Variants in SDC2 observed in about 807,000 individuals in gnomAD.
The protein encoded by SDC2 is syndecan 2, also known as syndecan-2.
In SDC2, 13 loss-of-function variants were observed where a neutral mutation model predicts 22.2. The ratio of observed to expected loss-of-function variants is 0.59; its 90% CI spans 0.38 to 0.93. The LOEUF is 0.93. Among genes scored for constraint, SDC2 ranks in the 40% least tolerant of loss-of-function variants. SDC2 has a pLI of 0.00. For synonymous variants in SDC2, 94 were observed against 92.8 expected (o/e 1.01, Z -0.07); for missense variants, 235 against 246.8 (o/e 0.95, Z 0.32).
At chr8:96,583,868 C>A (rs912426832) in intron 1 of SDC2, among the ~76,000 whole-genome samples, 1 of 151,972 alleles carries the variant, frequency 6.6e-6, no homozygotes, top group Non-Finnish European at 1.5e-5. Context: ...ACTAATATAT[C>A]ATGCATAATT....
rs770415861 is a variant in SDC2, at chr8:96,608,452, C to T, written c.424C>T (p.Arg142Trp). The T allele has an allele frequency of 3.1e-6, 5 of 1,612,572 alleles. No individual in the cohort carries two copies. The highest frequency in any genetic ancestry group is 3.3e-5 in the Admixed American group (2 of 59,858). ...TEKHSDSLFK[R>W]TEVLAAVIAG... The stretch of plus-strand genomic sequence containing the variant: ...GAAACACTCAGACAGTCTGTTTAAA[C>T]GGACAGAAGTCCTAGCAGGTGAGTA... Residue 142 changes from arginine (R) to tryptophan (W), a missense_variant, in exon 4 of 5, where the codon CGG (arginine) becomes TGG (tryptophan). By Grantham distance (101) the Arg-to-Trp change is moderately radical. Transcript: ENST00000302190.
intron 1 of SDC2, among the ~76,000 whole-genome samples, chr8:96,515,702 A>G (rs1813390904): frequency 6.6e-6 from 1 of 152,166 alleles, no homozygotes; most frequent in South Asian, 2.1e-4. Context: ...TAAACACTGG[A>G]CAAGTGAATA....
At chr8:96,519,574 G>T (rs1813461722) in intron 1 of SDC2, among the ~76,000 whole-genome samples, 1 of 151,972 alleles carries the variant, frequency 6.6e-6, no homozygotes, top group Non-Finnish European at 1.5e-5. Flanking sequence ...AGATAATCTA[G>T]GGGGGAAAAA....
intron 1 of SDC2, among the ~76,000 whole-genome samples, chr8:96,517,403 G>A (rs1813417900): frequency 6.6e-6 from 1 of 152,092 alleles, no homozygotes; most frequent in African/African-American, 2.4e-5. Context: ...AAGAAACACT[G>A]CCTAACTGAA....
intron 1 of SDC2, among the ~76,000 whole-genome samples, chr8:96,526,660 G>A (rs1271683938): frequency 1.3e-5 from 2 of 149,924 alleles, no homozygotes; most frequent in Non-Finnish European, 2.9e-5. Context: ...AGAGGCCTTT[G>A]GTTTTTTTTT....
intron 1 of SDC2, among the ~76,000 whole-genome samples, chr8:96,589,776 G>A (rs559770679): frequency 2.5e-4 from 38 of 152,292 alleles, no homozygotes; most frequent in Non-Finnish European, 5.1e-4. Flanking sequence ...AGAGTGATAC[G>A]ATGATGTTTG....
chr8:96,585,880 G>A (rs1212856976), intron 1 of SDC2, among the ~76,000 whole-genome samples: 1 of 136,910 alleles, frequency 7.3e-6, no homozygotes, highest in African/African-American at 2.9e-5. Flanking sequence ...TTTTTTTTTG[G>A]TTGGTGGGGG....
intron 1 of SDC2, among the ~76,000 whole-genome samples, chr8:96,508,342 A>AATAATAATT (rs1563641920): frequency 8.1e-6 from 1 of 124,148 alleles, no homozygotes; most frequent in African/African-American, 3.1e-5. Context: ...TAATAATAAT[A>AATAATAATT]ATTAGCCGGG....
chr8:96,579,970 C>A (rs1017506634), intron 1 of SDC2, among the ~76,000 whole-genome samples: 2 of 152,206 alleles, frequency 1.3e-5, no homozygotes, highest in Non-Finnish European at 2.9e-5. Context: ...TTAGGGCTTT[C>A]CGAATGGCAG....
intron 1 of SDC2, among the ~76,000 whole-genome samples, chr8:96,496,570 T>C (rs1175692780): frequency 2.6e-5 from 4 of 152,126 alleles, no homozygotes; most frequent in South Asian, 2.1e-4. Flanking sequence ...GCAGCAAAAA[T>C]ATAAATGAAG....
chr8:96,532,270 G>T (rs921164971), intron 1 of SDC2, among the ~76,000 whole-genome samples: 11 of 152,060 alleles, frequency 7.2e-5, no homozygotes, highest in African/African-American at 2.7e-4. Context: ...CAGTAAGGGG[G>T]CCTCCAGGTA....
chr8:96,577,613 G>T (rs1262522516), intron 1 of SDC2, among the ~76,000 whole-genome samples: 1 of 152,008 alleles, frequency 6.6e-6, no homozygotes, highest in Non-Finnish European at 1.5e-5. Flanking sequence ...TTACATTAAG[G>T]TTTACACCTT....
At chr8:96,513,978 T>C (rs764571934) in intron 1 of SDC2, among the ~76,000 whole-genome samples, 5 of 152,164 alleles carry the variant, frequency 3.3e-5, no homozygotes, top group African/African-American at 4.8e-5. Context: ...CTGTACGACA[T>C]TTTAAAGGTG....
intron 3 of SDC2, among the ~76,000 whole-genome samples, chr8:96,602,795 A>C (rs1022827297): frequency 1.3e-5 from 2 of 152,180 alleles, no homozygotes; most frequent in African/African-American, 4.8e-5. Context: ...CCAGGCTCAA[A>C]TTATATACAA....
chr8:96,538,487 A>G (rs1393464933), intron 1 of SDC2, among the ~76,000 whole-genome samples: 1 of 151,656 alleles, frequency 6.6e-6, no homozygotes, highest in Admixed American at 6.6e-5. Context: ...TTAAAGTCCA[A>G]TGTTAAGTCT....
chr8:96,562,997 CT>C, intron 1 of SDC2, among the ~76,000 whole-genome samples: 1 of 152,160 alleles, frequency 6.6e-6, no homozygotes, highest in African/African-American at 2.4e-5. Flanking sequence ...CACATCACCC[CT>C]AATTTGTTTT....
rs1385140641 is a variant in SDC2 at position 96,494,258 on chromosome 8, G to C, written c.-14G>C. The C allele has an allele frequency of 6.5e-7, 1 of 1,543,562 alleles. No individual in the cohort carries two copies. The highest frequency in any genetic ancestry group is 8.7e-7 in the Non-Finnish European group (1 of 1,147,808). ...TTGCAAGCAGCGGCTGGGAGCAGCCGGTCCCTGGGGAATATGCGGCGCGCG... is the reference window on the plus strand; with the variant it reads ...TTGCAAGCAGCGGCTGGGAGCAGCCCGTCCCTGGGGAATATGCGGCGCGCG... On this transcript the variant is annotated 5_prime_UTR_variant, in exon 1 of 5. Coordinates refer to ENST00000302190, the MANE Select transcript of SDC2 (RefSeq NM_002998.4).
At chr8:96,510,123 G>A (rs1813306042) in intron 1 of SDC2, among the ~76,000 whole-genome samples, 1 of 152,156 alleles carries the variant, frequency 6.6e-6, no homozygotes, top group Non-Finnish European at 1.5e-5. Context: ...AGCATGTTTG[G>A]CCAGCTTATT....
At chr8:96,581,543 A>G (rs963280503) in intron 1 of SDC2, among the ~76,000 whole-genome samples, 1 of 152,086 alleles carries the variant, frequency 6.6e-6, no homozygotes, top group Non-Finnish European at 1.5e-5. Context: ...GAGACAGGAG[A>G]ATCTCTTGAA....
Sources: gnomAD v4.1 joint callset for allele counts (sites outside exome capture counted in the v4.1 genomes callset) on GRCh38, gnomAD v4.1.1 for gene constraint, MANE v1.5 for transcripts, NCBI Gene and HGNC (gene_info 2026-07-23, HGNC 2026-07-21) for gene names.